The following THSD4 variants were observed in gnomAD, a reference collection of about 807,000 sequenced individuals.
THSD4 encodes the protein thrombospondin type-1 domain-containing protein 4.
In THSD4, 69 loss-of-function variants were observed where a neutral mutation model predicts 119.0. That is an observed-to-expected ratio of 0.58 (90% CI 0.48 to 0.71). THSD4 has a LOEUF of 0.71. Ranked by LOEUF, THSD4 falls within the 30% of genes least tolerant of loss-of-function variation. THSD4 has a pLI of 0.00. For missense variants in THSD4, 1,393 were observed against 1,391.1 expected, an observed-to-expected ratio of 1.00 and a Z score of -0.02; for synonymous variants, 524 against 540.4, an observed-to-expected ratio of 0.97 and a Z score of 0.42.
rs1290700112 is a variant in THSD4 at position 71,728,564 on chromosome 15, C to G, written c.1373C>G (p.Ser458Cys). The G allele has an allele frequency of 6.2e-7, 1 of 1,614,180 alleles. No individual in the cohort carries two copies. The highest frequency in any genetic ancestry group is 1.1e-5 in the South Asian group (1 of 91,068). ...TTCTCAACAGCCCTGAGAAGTCGTT[C>G]TGGACGCTCCATCATCAATGGGAAC... ...SNNYLALRSR[S>C]GRSIINGNWA... The change falls in exon 9 of 18, where the codon TCT becomes TGT. Residue 458 changes from serine to cysteine, a missense_variant. By Grantham distance (112) the Ser-to-Cys change is moderately radical. Transcript: ENST00000261862.
chr15:71,782,634 G>C lies in THSD4; in HGVS notation c.*5260G>C, dbSNP rs1219409440. 1.3e-5 allele frequency: 2 copies of C among 152,182 alleles called. No homozygotes were observed. The allele number at this position is 152,182 out of a possible 1,614,324, so 9.4% of individuals were successfully genotyped here. A position where few individuals can be genotyped will look rare whatever the true frequency, so the allele number is the denominator to read the frequency against. On this transcript the variant is annotated 3_prime_UTR_variant, in exon 18 of 18. Coordinates refer to ENST00000261862, the MANE Select transcript of THSD4 (RefSeq NM_024817.3). ...TAACCCAGCCTCCTGGAATGTCGCT[G>C]TACGATGATTGATGTCTTTTTCTCA...
rs114489576 is a variant in THSD4 at position 71,731,559 on chromosome 15, G to A, written c.1630+342G>A. 8.0e-3 allele frequency: 2,125 copies of A among 266,704 alleles called. 33 individuals carry two copies. Among genetic ancestry groups the A allele is most frequent in the African/African-American group, 0.032 (1,475 of 46,412 alleles). The allele number at this position is 266,704 out of a possible 1,614,324, so 16.5% of individuals were successfully genotyped here. A position where few individuals can be genotyped will look rare whatever the true frequency, so the allele number is the denominator to read the frequency against. On this transcript the variant is annotated intron_variant, in intron 10 of 17. Transcript: ENST00000261862. ...TCTGGGAGGCCGACGCAGGTGGATC[G>A]CTTGGGCCCAGAGGTTCAAGACCAG...
chr15:71,475,379 A>G (rs1369157377), intron 7 of THSD4, among the ~76,000 whole-genome samples: 1 of 152,240 alleles, frequency 6.6e-6, no homozygotes, highest in Non-Finnish European at 1.5e-5. Context: ...TTTTCTATTT[A>G]TAAAAATGGC....
rs1434542387 is a variant in THSD4 at position 71,411,777 on chromosome 15, C to G, written c.1106C>G (p.Pro369Arg). 1.2e-6 allele frequency: 2 copies of G among 1,614,128 alleles called. No individual in the cohort carries two copies. The highest frequency in any genetic ancestry group is 1.1e-5 in the South Asian group (1 of 91,076). ...RQAEKVIDGT[P>R]CDQNGTAICV... Reference sequence around the variant, plus strand: ...GCTGAGAAAGTCATCGATGGCACCCCCTGTGACCAGAACGGCACGGCCATC... The same window carrying G: ...GCTGAGAAAGTCATCGATGGCACCCGCTGTGACCAGAACGGCACGGCCATC... Residue 369 changes from proline (P) to arginine (R), a missense_variant, in exon 7 of 18, where the codon CCC becomes CGC. Transcript: ENST00000261862.
At position 71,421,158 on chromosome 15, in the gene THSD4, CAAAAAAAAAAAAAA is replaced by C. The variant is rs769831708; in HGVS notation, c.1152+9352_1152+9365del. 6.9e-4 allele frequency among the ~76,000 whole-genome samples: 13 copies of C among 18,788 alleles called. 6 individuals carry two copies. In the South Asian group the frequency reaches 0.016, roughly 23 times the overall value. The allele number at this position is 18,788 out of a possible 152,430, so 12.3% of individuals were successfully genotyped here. On this transcript the variant is annotated intron_variant, in intron 7 of 17. Transcript: ENST00000261862. ...TGGGTGATGGAGTGAGACTCCGTCT[CAAAAAAAAAAAAAA>C]AAAAAAAAAAAAAAAAGGAGTAGTT... is the stretch of plus-strand genomic sequence containing the variant.
intron 6 of THSD4, among the ~76,000 whole-genome samples, chr15:71,293,879 G>C (rs1412109867): frequency 6.6e-6 from 1 of 152,066 alleles, no homozygotes; most frequent in Non-Finnish European, 1.5e-5. Context: ...CTTCAGGCCT[G>C]GGAGGTGCAC....
intron 7 of THSD4, among the ~76,000 whole-genome samples, chr15:71,606,551 A>T (rs1056550844): frequency 1.1e-4 from 17 of 149,710 alleles, no homozygotes; most frequent in African/African-American, 2.9e-4. Context: ...TTATTTATTT[A>T]TTTTTTGAGA....
chr15:71,364,690 C>T (rs1357210281), intron 6 of THSD4, among the ~76,000 whole-genome samples: 1 of 152,180 alleles, frequency 6.6e-6, no homozygotes, highest in Non-Finnish European at 1.5e-5. Flanking sequence ...ATCATTAGTA[C>T]GCACATAGTT....
intron 8 of THSD4, among the ~76,000 whole-genome samples, chr15:71,709,197 G>A (rs1226604803): frequency 2.0e-5 from 3 of 152,218 alleles, no homozygotes; most frequent in Admixed American, 1.3e-4. Flanking sequence ...AATAAGGTGT[G>A]TGAATTTACT....
At chr15:71,465,212 G>GT (rs1465401419) in intron 7 of THSD4, among the ~76,000 whole-genome samples, 1 of 152,058 alleles carries the variant, frequency 6.6e-6, no homozygotes, top group African/African-American at 2.4e-5. Flanking sequence ...AGAAAACAAG[G>GT]TTTTTATTAA....
At chr15:71,322,549 A>G (rs965901155) in intron 6 of THSD4, among the ~76,000 whole-genome samples, 1 of 152,204 alleles carries the variant, frequency 6.6e-6, no homozygotes, top group South Asian at 2.1e-4. Flanking sequence ...AACAGCAATA[A>G]ATATTTATTA....
intron 8 of THSD4, among the ~76,000 whole-genome samples, chr15:71,696,724 T>TA (rs1418311131): frequency 6.6e-6 from 1 of 152,092 alleles, no homozygotes; most frequent in African/African-American, 2.4e-5. Flanking sequence ...AAAATAACTT[T>TA]AACTAAAGAG....
intron 7 of THSD4, among the ~76,000 whole-genome samples, chr15:71,438,728 T>C (rs1208896975): frequency 6.6e-6 from 1 of 152,200 alleles, no homozygotes; most frequent in Non-Finnish European, 1.5e-5. Flanking sequence ...TATACAAATA[T>C]TAGAACATAC....
intron 4 of THSD4, among the ~76,000 whole-genome samples, chr15:71,221,383 ACT>A (rs1173352934): frequency 6.6e-6 from 1 of 152,074 alleles, no homozygotes; most frequent in East Asian, 1.9e-4. Flanking sequence ...CATTCACAGA[ACT>A]CTTTTTATCT....
chr15:71,514,162 T>C (rs1471193161), intron 7 of THSD4, among the ~76,000 whole-genome samples: 2 of 152,144 alleles, frequency 1.3e-5, no homozygotes, highest in East Asian at 3.9e-4. Context: ...AGAAGGAAGG[T>C]GAGGAAGAAC....
intron 7 of THSD4, among the ~76,000 whole-genome samples, chr15:71,485,479 C>T (rs1196665549): frequency 6.6e-6 from 1 of 152,204 alleles, no homozygotes; most frequent in Non-Finnish European, 1.5e-5. Flanking sequence ...AGAAGAGGAA[C>T]TTATTACAAA....
At chr15:71,721,506 T>TA (rs56273435) in intron 8 of THSD4, among the ~76,000 whole-genome samples, 5 of 143,898 alleles carry the variant, frequency 3.5e-5, no homozygotes, top group African/African-American at 1.0e-4. Flanking sequence ...GATTCTGTCT[T>TA]AAAAAAAAAA....
chr15:71,266,415 C>T (rs2044466150), intron 6 of THSD4, among the ~76,000 whole-genome samples: 1 of 152,124 alleles, frequency 6.6e-6, no homozygotes, highest in Non-Finnish European at 1.5e-5. Flanking sequence ...ATAGCATCAA[C>T]ATCAACAAAA....
intron 7 of THSD4, among the ~76,000 whole-genome samples, chr15:71,522,077 C>A (rs535023171): frequency 6.6e-6 from 1 of 152,150 alleles, no homozygotes; most frequent in Non-Finnish European, 1.5e-5. Context: ...CCCTTTTACA[C>A]CTGATGTGAA....
Sources: allele counts gnomAD v4.1 joint callset (sites outside exome capture counted in the v4.1 genomes callset), GRCh38; gene constraint gnomAD v4.1.1; transcripts MANE v1.5; gene names NCBI Gene and HGNC (gene_info 2026-07-23, HGNC 2026-07-21).